The following APCDD1L variants were observed in gnomAD, a reference collection of about 807,000 sequenced individuals.
APCDD1L encodes the protein APC down-regulated 1 like.
In APCDD1L, 21 loss-of-function variants were observed where a neutral mutation model predicts 24.2. The observed-to-expected ratio is 0.87, with a 90% CI of 0.61 to 1.25. The LOEUF (loss-of-function observed/expected upper bound fraction) is 1.25. Ranked by LOEUF, APCDD1L falls within the 50% of genes most tolerant of loss-of-function variation. The probability of loss-of-function intolerance (pLI) is 0.00; values close to 1 mark genes in which losing one functional copy is unlikely to be tolerated. For missense variants in APCDD1L, 704 were observed against 711.7 expected (o/e 0.99, Z 0.12); for synonymous variants, 321 against 323.6 (o/e 0.99, Z 0.09).
chr20:58,481,244 G>C (rs1028865029), intron 1 of APCDD1L, among the ~76,000 whole-genome samples: 2 of 152,218 alleles, frequency 1.3e-5, no homozygotes, highest in African/African-American at 2.4e-5. Context: ...CCGTTGGACT[G>C]AACTTTTATT....
intron 1 of APCDD1L, among the ~76,000 whole-genome samples, chr20:58,482,114 A>C (rs1186640936): frequency 1.3e-5 from 2 of 152,236 alleles, no homozygotes; most frequent in African/African-American, 4.8e-5. Context: ...CAAGAAAATT[A>C]TTACAATTTA....
At chr20:58,476,559 G>T (rs1330130075) in intron 1 of APCDD1L, among the ~76,000 whole-genome samples, 1 of 152,208 alleles carries the variant, frequency 6.6e-6, no homozygotes, top group Non-Finnish European at 1.5e-5. Context: ...GGCTGCACAT[G>T]ATGGTCAGAA....
At chr20:58,496,337 A>G (rs971849468) in intron 1 of APCDD1L, among the ~76,000 whole-genome samples, 12 of 152,244 alleles carry the variant, frequency 7.9e-5, no homozygotes, top group African/African-American at 2.9e-4. Context: ...GCAGCCCCTC[A>G]TGGGCAGGTG....
In APCDD1L at chr20:58,461,193, G is replaced by C. The variant is rs201616837; in HGVS notation, c.1103C>G (p.Thr368Arg). The C allele has an allele frequency of 1.2e-6, 2 of 1,613,400 alleles. No individual in the cohort carries two copies. The highest frequency in any genetic ancestry group is 1.7e-6 in the Non-Finnish European group (2 of 1,179,826). The part of the protein sequence containing the change: ...AHVTPMDQVT[T>R]AMLNFSEPSS... ...TGGCTCAGAGAAGTTGAGCATGGCC[G>C]TGGTGACCTGGTCCATGGGGGTCAC... The change falls in exon 4 of 4, where the codon ACG (threonine) becomes AGG (arginine). Residue 368 changes from threonine to arginine, a missense_variant. Transcript: ENST00000371149. This position sits in a 1 kb window ranked among gnomAD's most constrained non-coding sequence, Gnocchi z 6.0.
chr20:58,467,788 C>T lies in APCDD1L; in HGVS notation c.189-130G>A. 1.0e-6 allele frequency: 1 copy of T among 958,928 alleles called. No individual in the cohort carries two copies. The highest frequency in any genetic ancestry group is 1.4e-6 in the Non-Finnish European group (1 of 714,378). The allele number at this position is 958,928 out of a possible 1,614,324, so 59.4% of individuals were successfully genotyped here. ...GTCCTCAGCTCAGGCCTGGGCCCCT[C>T]CAGCCTCAGTTCCCCTCACTGCTCG... On this transcript the variant is annotated intron_variant, in intron 2 of 3. Transcript: ENST00000371149. The surrounding 1 kb of genome is among the most constrained non-coding windows in gnomAD (Gnocchi z 5.9).
At chr20:58,514,594 T>G (rs1452695278) in intron 1 of APCDD1L, 65 bp downstream of exon 1, 2 of 1,278,866 alleles carry the variant, frequency 1.6e-6, no homozygotes, top group African/African-American at 3.0e-5. Context: ...TAGGGGACAT[T>G]AGACGGCGAG....
At chr20:58,506,551 A>G (rs115031453) in intron 1 of APCDD1L, among the ~76,000 whole-genome samples, 2,898 of 152,282 alleles carry the variant, frequency 0.019, 105 homozygotes, top group African/African-American at 0.066. Flanking sequence ...GAGGAAACTG[A>G]GGCATGGAGG....
At chr20:58,503,127 G>C (rs1279116431) in intron 1 of APCDD1L, among the ~76,000 whole-genome samples, 1 of 152,188 alleles carries the variant, frequency 6.6e-6, no homozygotes, top group African/African-American at 2.4e-5. Flanking sequence ...GGGTTTCCTA[G>C]CAAAATGCAG....
At chr20:58,466,040 C>T (rs915240291) in intron 3 of APCDD1L, among the ~76,000 whole-genome samples, 6 of 149,664 alleles carry the variant, frequency 4.0e-5, no homozygotes, top group Non-Finnish European at 7.4e-5. Flanking sequence ...AGGTCCACAC[C>T]CTTGTAGGAG....
At chr20:58,490,407 C>T (rs1021877375) in intron 1 of APCDD1L, among the ~76,000 whole-genome samples, 3 of 152,184 alleles carry the variant, frequency 2.0e-5, no homozygotes, top group East Asian at 1.9e-4. Flanking sequence ...ACCATGACAG[C>T]GGACAGGTAG....
chr20:58,503,003 C>T (rs1159291221), intron 1 of APCDD1L, among the ~76,000 whole-genome samples: 2 of 152,100 alleles, frequency 1.3e-5, no homozygotes, highest in African/African-American at 4.8e-5. Context: ...TTTATGGGAC[C>T]GGAATTCCGA....
rs1600871651 is a variant in APCDD1L at position 58,497,173 on chromosome 20, T to A, written c.49+17486A>T. ...GATGAGGAGGGGGTTGGCGGGAGTA[T>A]GGGAGCTGGTGAAAGGGGCCTCCTG... On this transcript the variant is annotated intron_variant, in intron 1 of 3. Coordinates refer to ENST00000371149, the MANE Select transcript of APCDD1L (RefSeq NM_153360.3). The surrounding 1 kb of genome is among the most constrained non-coding windows in gnomAD (Gnocchi z 4.3). Among the ~76,000 whole-genome samples the A allele has an allele frequency of 8.4e-6, 1 of 119,470 alleles. No individual in the cohort carries two copies. The highest frequency in any genetic ancestry group is 2.3e-4 in the East Asian group (1 of 4,364). 78.4% of individuals were successfully genotyped at this position (119,470 alleles called of 152,430 possible). A position where few individuals can be genotyped will look rare whatever the true frequency, so the allele number is the denominator to read the frequency against.
chr20:58,491,825 T>C (rs962701386), intron 1 of APCDD1L, among the ~76,000 whole-genome samples: 1 of 152,224 alleles, frequency 6.6e-6, no homozygotes, highest in African/African-American at 2.4e-5. Context: ...AGAAGATTTA[T>C]TGAAAACTCG....
chr20:58,487,952 G>A (rs1990153563), intron 1 of APCDD1L, among the ~76,000 whole-genome samples: 1 of 152,106 alleles, frequency 6.6e-6, no homozygotes, highest in Non-Finnish European at 1.5e-5. Context: ...ATATATATGT[G>A]CGTGCCTGTG....
intron 1 of APCDD1L, among the ~76,000 whole-genome samples, chr20:58,500,946 G>C (rs1030034253): frequency 2.6e-5 from 4 of 152,100 alleles, no homozygotes; most frequent in African/African-American, 9.7e-5. Flanking sequence ...CATCAATCCT[G>C]GCCACTGCTA....
chr20:58,505,380 T>C (rs1158081831), intron 1 of APCDD1L, among the ~76,000 whole-genome samples: 4 of 152,204 alleles, frequency 2.6e-5, no homozygotes, highest in African/African-American at 9.7e-5. Context: ...TGTTTCTTGT[T>C]CTAACATTAT....
intron 1 of APCDD1L, among the ~76,000 whole-genome samples, chr20:58,498,930 C>T (rs376318046): frequency 3.9e-5 from 6 of 152,248 alleles, no homozygotes; most frequent in African/African-American, 1.2e-4. Flanking sequence ...CTCCATCCCA[C>T]GTCTGTGGGT....
At chr20:58,513,867 G>T in intron 1 of APCDD1L, 1 of 1,302,586 alleles carries the variant, frequency 7.7e-7, no homozygotes, top group South Asian at 1.2e-5. Context: ...CCAGCCAGGT[G>T]GTCTAACTCC....
At chr20:58,465,958 A>G (rs1989696692) in intron 3 of APCDD1L, among the ~76,000 whole-genome samples, 1 of 152,004 alleles carries the variant, frequency 6.6e-6, no homozygotes, top group Non-Finnish European at 1.5e-5. Context: ...TTTTTTTAAA[A>G]ACAGATTTTC....
Sources: gnomAD v4.1 joint callset for allele counts (sites outside exome capture counted in the v4.1 genomes callset) on GRCh38, gnomAD v4.1.1 for gene constraint, Gnocchi (gnomAD v3.1) non-coding constraint, MANE v1.5 for transcripts, NCBI Gene and HGNC (gene_info 2026-07-23, HGNC 2026-07-21) for gene names.